Variants in CCNY observed in about 807,000 individuals in gnomAD.
The protein encoded by CCNY is cyclin Y.
Under a neutral mutation model 42.8 loss-of-function variants are expected in CCNY, and 19 were observed. The observed-to-expected ratio is 0.44, with a 90% CI of 0.31 to 0.65. CCNY has a LOEUF of 0.65. CCNY is among the 30% of genes least tolerant of loss of function. The pLI is 0.07. For missense variants in CCNY, 370 were observed against 437.3 expected (o/e 0.85, Z 1.37); for synonymous variants, 165 against 162.7 (o/e 1.01, Z -0.11).
At chr10:35,338,004 T>A (rs1836088112) in intron 1 of CCNY, among the ~76,000 whole-genome samples, 1 of 152,264 alleles carries the variant, frequency 6.6e-6, no homozygotes. Flanking sequence ...TTAGCACTGT[T>A]GCTCAGTGAT....
chr10:35,398,715 A>C (rs1837579151), intron 1 of CCNY, among the ~76,000 whole-genome samples: 1 of 152,270 alleles, frequency 6.6e-6, no homozygotes, highest in Non-Finnish European at 1.5e-5. Flanking sequence ...AAAACAAAAC[A>C]AAACAAAAAA....
At chr10:35,366,715 T>C (rs939896489) in intron 1 of CCNY, among the ~76,000 whole-genome samples, 25 of 152,246 alleles carry the variant, frequency 1.6e-4, no homozygotes, top group African/African-American at 5.8e-4. Flanking sequence ...AGCACTGTTA[T>C]TAGAGCTTTC....
intron 1 of CCNY, among the ~76,000 whole-genome samples, chr10:35,357,932 T>G (rs1284620830): frequency 6.6e-6 from 1 of 152,166 alleles, no homozygotes; most frequent in Non-Finnish European, 1.5e-5. Context: ...TATTTTTTTT[T>G]TGTTGCTTAA....
intron 1 of CCNY, among the ~76,000 whole-genome samples, chr10:35,356,866 C>T (rs1836561882): frequency 6.6e-6 from 1 of 152,206 alleles, no homozygotes; most frequent in South Asian, 2.1e-4. Context: ...CTCACAATCC[C>T]TGAGTGGCTT....
At chr10:35,337,283 G>T in intron 1 of CCNY, 76 bp downstream of exon 1, 1 of 1,351,964 alleles carries the variant, frequency 7.4e-7, no homozygotes, top group Non-Finnish European at 9.7e-7. Flanking sequence ...CGGCCCGGCT[G>T]CTCTTGCTTG....
chr10:35,460,119 CT>C (rs2135327731), intron 1 of CCNY, among the ~76,000 whole-genome samples: 1 of 152,244 alleles, frequency 6.6e-6, no homozygotes, highest in South Asian at 2.1e-4. Context: ...AAAGAATGGC[CT>C]TTGTTTCAGG....
chr10:35,374,768 T>C (rs1837012838), intron 1 of CCNY, among the ~76,000 whole-genome samples: 1 of 152,236 alleles, frequency 6.6e-6, no homozygotes, highest in Non-Finnish European at 1.5e-5. Flanking sequence ...GAAAAGTAGC[T>C]ACATATGTTA....
At chr10:35,261,239 A>AAAT (rs1554963507) in intron 3 of CCNY, among the ~76,000 whole-genome samples, 1 of 132,194 alleles carries the variant, frequency 7.6e-6, no homozygotes, top group African/African-American at 2.8e-5. Flanking sequence ...AAAAAAAAAA[A>AAAT]TTTTTTTTTT....
intron 8 of CCNY, among the ~76,000 whole-genome samples, chr10:35,560,057 T>C (rs1841436761): frequency 1.3e-5 from 2 of 152,210 alleles, no homozygotes. Context: ...CACCATTGTA[T>C]TTTAGAAGCA....
At chr10:35,486,747 T>G (rs547461020) in intron 2 of CCNY, among the ~76,000 whole-genome samples, 5 of 152,256 alleles carry the variant, frequency 3.3e-5, no homozygotes, top group African/African-American at 1.2e-4. Context: ...TGTGTACTTC[T>G]GTGCTTCCGC....
intron 3 of CCNY, among the ~76,000 whole-genome samples, chr10:35,507,456 A>T (rs1423338246): frequency 6.6e-6 from 1 of 152,026 alleles, no homozygotes; most frequent in East Asian, 1.9e-4. Context: ...ATTTTTTCTG[A>T]ATTGTTTGGA....
intron 4 of CCNY, among the ~76,000 whole-genome samples, chr10:35,522,543 T>C (rs1840570164): frequency 6.6e-6 from 1 of 152,044 alleles, no homozygotes; most frequent in Non-Finnish European, 1.5e-5. Context: ...TGAGAGTCAG[T>C]ATGTGACCCC....
At chr10:35,340,479 TAA>T (rs1836152347) in intron 1 of CCNY, among the ~76,000 whole-genome samples, 2 of 151,928 alleles carry the variant, frequency 1.3e-5, no homozygotes, top group East Asian at 3.9e-4. Context: ...GGTTTTACCT[TAA>T]AATGGTTGAT....
intron 8 of CCNY, among the ~76,000 whole-genome samples, chr10:35,559,568 T>C (rs1302569305): frequency 1.3e-5 from 2 of 152,254 alleles, no homozygotes; most frequent in Admixed American, 6.5e-5. Flanking sequence ...GGACAGCATT[T>C]GCTAAAGAGA....
chr10:35,360,425 C>G (rs1299082674), intron 1 of CCNY, among the ~76,000 whole-genome samples: 2 of 151,492 alleles, frequency 1.3e-5, no homozygotes, highest in African/African-American at 4.9e-5. Flanking sequence ...TAACTGGGAC[C>G]ACAGGCATGC....
intron 1 of CCNY, among the ~76,000 whole-genome samples, chr10:35,384,349 A>T (rs1837257164): frequency 6.6e-6 from 1 of 152,152 alleles, no homozygotes; most frequent in African/African-American, 2.4e-5. Context: ...CACATGTTGC[A>T]AGAGAAAAGG....
At chr10:35,524,287 A>G (rs1453303508) in intron 4 of CCNY, among the ~76,000 whole-genome samples, 1 of 152,232 alleles carries the variant, frequency 6.6e-6, no homozygotes, top group Non-Finnish European at 1.5e-5. Context: ...CCCAGTTACA[A>G]TTTCTTCATC....
At chr10:35,277,063 A>G (rs1165169285) in intron 3 of CCNY, among the ~76,000 whole-genome samples, 1 of 152,206 alleles carries the variant, frequency 6.6e-6, no homozygotes, top group African/African-American at 2.4e-5. Context: ...AGCTCCTGAC[A>G]GCAGGACTCA....
Position 35,530,474 on chromosome 10 carries a change from C to T in CCNY, c.579+231C>T, listed in dbSNP as rs1051361319. 3.3e-5 allele frequency among the ~76,000 whole-genome samples: 5 copies of T among 152,206 alleles called. No individual in the cohort carries two copies. The highest frequency in any genetic ancestry group is 9.6e-5 in the African/African-American group (4 of 41,458). ...CCACCTAAAGTCATTTGTGAAATCACGTTCAAATCCAGGAAATGCTGAAAT... is the reference window on the plus strand; with the variant it reads ...CCACCTAAAGTCATTTGTGAAATCATGTTCAAATCCAGGAAATGCTGAAAT... On this transcript the variant is annotated intron_variant, in intron 7 of 9. Coordinates refer to ENST00000374704, the MANE Select transcript of CCNY (RefSeq NM_145012.6). The surrounding 1 kb of genome is among the most constrained non-coding windows in gnomAD (Gnocchi z 4.3).
Sources: gnomAD v4.1 joint callset for allele counts (sites outside exome capture counted in the v4.1 genomes callset) on GRCh38, gnomAD v4.1.1 for gene constraint, Gnocchi (gnomAD v3.1) non-coding constraint, MANE v1.5 for transcripts, NCBI Gene and HGNC (gene_info 2026-07-23, HGNC 2026-07-21) for gene names.